TRAPPC9: variants seen among roughly 807,000 people sequenced by gnomAD.
The protein encoded by TRAPPC9 is IKK2 binding protein.
In TRAPPC9, 83 loss-of-function variants were observed where a neutral mutation model predicts 124.0. The observed-to-expected ratio is 0.67, with a 90% CI of 0.56 to 0.80. The LOEUF is 0.80. TRAPPC9 is among the 30% of genes least tolerant of loss of function. TRAPPC9 has a pLI of 0.00. For missense variants in TRAPPC9, 1,302 were observed against 1,508.3 expected (o/e 0.86, Z 2.27); for synonymous variants, 638 against 617.5 (o/e 1.03, Z -0.49).
chr8:139,989,584 T>A (rs1301423334), intron 18 of TRAPPC9, among the ~76,000 whole-genome samples: 1 of 152,224 alleles, frequency 6.6e-6, no homozygotes, highest in African/African-American at 2.4e-5. Flanking sequence ...CCTTCCGCCT[T>A]CCTCATTCCC....
intron 19 of TRAPPC9, among the ~76,000 whole-genome samples, chr8:139,926,948 A>C (rs1024900573): frequency 6.6e-6 from 1 of 152,260 alleles, no homozygotes; most frequent in Admixed American, 6.5e-5. Flanking sequence ...CTATATAAAG[A>C]AATCTCAAAA....
chr8:139,773,422 C>A (rs745530806), intron 21 of TRAPPC9, among the ~76,000 whole-genome samples: 1 of 152,196 alleles, frequency 6.6e-6, no homozygotes, highest in African/African-American at 2.4e-5. Context: ...GTGCAGCAGA[C>A]GGCACTGGGT....
chr8:140,451,942 G>A (rs2071476544), intron 1 of TRAPPC9, among the ~76,000 whole-genome samples: 1 of 152,078 alleles, frequency 6.6e-6, no homozygotes, highest in Non-Finnish European at 1.5e-5. Context: ...CCAACATGGT[G>A]AAACCCCACC....
chr8:140,250,692 G>A (rs546273070), intron 16 of TRAPPC9, among the ~76,000 whole-genome samples: 10 of 152,044 alleles, frequency 6.6e-5, no homozygotes, highest in Admixed American at 6.5e-4. Context: ...GTTTTTCTAA[G>A]GTAAAACTTA....
chr8:140,230,377 G>C (rs1003804458), intron 16 of TRAPPC9, among the ~76,000 whole-genome samples: 3 of 152,214 alleles, frequency 2.0e-5, no homozygotes, highest in Non-Finnish European at 4.4e-5. Context: ...GGGAGGCCAA[G>C]GCAGGTGGAT....
intron 7 of TRAPPC9, among the ~76,000 whole-genome samples, chr8:140,392,610 A>G (rs545038601): frequency 5.9e-5 from 9 of 152,320 alleles, no homozygotes; most frequent in African/African-American, 2.2e-4. Context: ...CGACGGACAC[A>G]GCGCCGAGTG....
At position 139,728,904 on chromosome 8, in the gene TRAPPC9, C is replaced by T. The variant is rs1817676474; in HGVS notation, c.*2157G>A. Among the ~76,000 whole-genome samples, 1 of 152,198 alleles carries T rather than the reference C, an allele frequency of 6.6e-6. No individual in the cohort carries two copies. The highest frequency in any genetic ancestry group is 2.4e-5 in the African/African-American group (1 of 41,448). ...GGAAACTAAAAAATATAGAAAACTG[C>T]AAGAAATAATTACAGTCACCAATAT... On this transcript the variant is annotated 3_prime_UTR_variant, in exon 23 of 23. Transcript: ENST00000438773.
chr8:140,291,437 G>C (rs544814287), intron 11 of TRAPPC9, among the ~76,000 whole-genome samples: 3 of 152,352 alleles, frequency 2.0e-5, no homozygotes, highest in African/African-American at 7.2e-5. Flanking sequence ...GGGGTCACTT[G>C]TGAGTAACAC....
chr8:140,027,388 C>T (rs1025739822), intron 17 of TRAPPC9, among the ~76,000 whole-genome samples: 34 of 152,090 alleles, frequency 2.2e-4, no homozygotes, highest in African/African-American at 7.5e-4. Flanking sequence ...TGTGAAGTAA[C>T]AACAAATGTC....
chr8:140,125,268 G>A (rs1357350871), intron 17 of TRAPPC9, among the ~76,000 whole-genome samples: 1 of 152,202 alleles, frequency 6.6e-6, no homozygotes, highest in East Asian at 1.9e-4. Context: ...ACCAAGCTGG[G>A]TTGTTTCTGG....
intron 2 of TRAPPC9, among the ~76,000 whole-genome samples, chr8:140,442,999 G>A (rs1043163399): frequency 1.1e-4 from 17 of 150,736 alleles, no homozygotes; most frequent in African/African-American, 4.2e-4. Flanking sequence ...TGGGCATGGT[G>A]GCACGTGCCT....
chr8:140,122,308 T>C (rs886066889), intron 17 of TRAPPC9, among the ~76,000 whole-genome samples: 1 of 152,308 alleles, frequency 6.6e-6, no homozygotes, highest in Non-Finnish European at 1.5e-5. Flanking sequence ...GGCCAACACC[T>C]TGACTTCAGC....
Position 140,182,826 on chromosome 8 carries a change from G to A in TRAPPC9, c.2556+38633C>T, listed in dbSNP as rs565498504. On this transcript the variant is annotated intron_variant, in intron 17 of 22. Transcript: ENST00000438773. This position sits in a 1 kb window ranked among gnomAD's most constrained non-coding sequence, Gnocchi z 4.0. ...TCATGCCATTCCCCCTTCTCTGCCCGTCTATGCGTCCCCCAAACTGTGGCT... is the reference window on the plus strand; with the variant it reads ...TCATGCCATTCCCCCTTCTCTGCCCATCTATGCGTCCCCCAAACTGTGGCT... Among the ~76,000 whole-genome samples the A allele has an allele frequency of 3.3e-5, 5 of 152,148 alleles. No homozygotes were observed. The highest frequency in any genetic ancestry group is 4.4e-5 in the Non-Finnish European group (3 of 68,006).
At chr8:140,392,469 T>C (rs1563994179) in intron 7 of TRAPPC9, among the ~76,000 whole-genome samples, 1 of 152,256 alleles carries the variant, frequency 6.6e-6, no homozygotes, top group Non-Finnish European at 1.5e-5. Flanking sequence ...GTTCTTTTCC[T>C]TGGATCAAAT....
chr8:140,261,294 C>T (rs569724784), intron 15 of TRAPPC9, among the ~76,000 whole-genome samples: 1 of 152,314 alleles, frequency 6.6e-6, no homozygotes, highest in African/African-American at 2.4e-5. Flanking sequence ...ATCCTCATGG[C>T]AGGCGCTATG....
chr8:140,369,719 AAGTG>A (rs745696833), intron 8 of TRAPPC9, among the ~76,000 whole-genome samples: 6 of 152,178 alleles, frequency 3.9e-5, no homozygotes, highest in Non-Finnish European at 7.3e-5. Context: ...TGGGAGGCCA[AAGTG>A]GGCGGATCAC....
chr8:140,139,988 G>A (rs1197624099), intron 17 of TRAPPC9, among the ~76,000 whole-genome samples: 2 of 152,170 alleles, frequency 1.3e-5, no homozygotes, highest in South Asian at 4.1e-4. Context: ...ATTTACTGAG[G>A]GAGTGGAATA....
At chr8:139,874,422 G>A (rs1829189528) in intron 21 of TRAPPC9, among the ~76,000 whole-genome samples, 1 of 152,230 alleles carries the variant, frequency 6.6e-6, no homozygotes, top group Admixed American at 6.5e-5. Flanking sequence ...ACAGCCCGCA[G>A]ACAGTACAAC....
At chr8:139,813,880 C>T (rs753834851) in intron 21 of TRAPPC9, among the ~76,000 whole-genome samples, 3 of 150,644 alleles carry the variant, frequency 2.0e-5, no homozygotes, top group Admixed American at 6.6e-5. Flanking sequence ...GTGACGGTGC[C>T]GGGGCAGAGG....
Sources: gnomAD v4.1 joint callset for allele counts (sites outside exome capture counted in the v4.1 genomes callset) on GRCh38, gnomAD v4.1.1 for gene constraint, Gnocchi (gnomAD v3.1) non-coding constraint, MANE v1.5 for transcripts, NCBI Gene and HGNC (gene_info 2026-07-23, HGNC 2026-07-21) for gene names.